LRRC49: variants seen among roughly 807,000 people sequenced by gnomAD.
The protein encoded by LRRC49 is leucine rich repeat containing 49.
A neutral mutation model predicts 83.3 loss-of-function variants in LRRC49; 50 were observed. The ratio of observed to expected loss-of-function variants is 0.60; its 90% CI spans 0.48 to 0.76. LRRC49 has a LOEUF of 0.76. Among genes scored for constraint, LRRC49 ranks in the 30% least tolerant of loss-of-function variants. LRRC49 has a pLI of 0.00. For synonymous variants in LRRC49, 286 were observed against 283.3 expected, an observed-to-expected ratio of 1.01 and a Z score of -0.10; for missense variants, 704 against 809.1, an observed-to-expected ratio of 0.87 and a Z score of 1.58.
intron 15 of LRRC49, among the ~76,000 whole-genome samples, chr15:71,045,925 A>G (rs1034559491): frequency 6.6e-6 from 1 of 152,164 alleles, no homozygotes; most frequent in Admixed American, 6.5e-5. Context: ...GCTCCCACTT[A>G]TAAGTGAGAA....
In LRRC49 at chr15:70,946,598, A is replaced by C. The variant is rs2141172812; in HGVS notation, c.773+9776A>C. The stretch of plus-strand genomic sequence containing the variant: ...AACATACTAATTTTATTTCCTTCAG[A>C]ATATACCTGGAAATGGGATTGCTGG... On this transcript the variant is annotated intron_variant, in intron 8 of 15. Coordinates refer to ENST00000260382, the MANE Select transcript of LRRC49 (RefSeq NM_017691.5). Among the ~76,000 whole-genome samples the C allele has an allele frequency of 1.3e-5, 2 of 152,254 alleles. 1 individual carries two copies. Among genetic ancestry groups the C allele is most frequent in the South Asian group, 4.1e-4 (2 of 4,824 alleles).
chr15:71,046,469 T>G lies in LRRC49; in HGVS notation c.1858-2940T>G, dbSNP rs576132488. ...TGATGATTAGTGATGCTGAGCACTA[T>G]TTCATATCCTTGTTGGCCACTTGTA... On this transcript the variant is annotated intron_variant, in intron 15 of 15. Transcript: ENST00000260382. 2.6e-5 allele frequency among the ~76,000 whole-genome samples: 4 copies of G among 152,346 alleles called. No individual in the cohort carries two copies. The South Asian group carries it at 8.3e-4, about 32-fold the overall frequency.
chr15:70,888,410 A>G (rs1420535338), upstream of LRRC49, among the ~76,000 whole-genome samples: 1 of 152,230 alleles, frequency 6.6e-6, no homozygotes, highest in Non-Finnish European at 1.5e-5. Flanking sequence ...TTGCAAGGCC[A>G]AGAAGAAATG....
chr15:70,871,626 C>T (rs2033041621), intron 1 of LRRC49, among the ~76,000 whole-genome samples: 1 of 152,052 alleles, frequency 6.6e-6, no homozygotes, highest in Non-Finnish European at 1.5e-5. Context: ...AGAGACGCTC[C>T]TCACTTCCCA....
At chr15:70,856,903 C>T (rs888709990) in intron 1 of LRRC49, among the ~76,000 whole-genome samples, 3 of 152,150 alleles carry the variant, frequency 2.0e-5, no homozygotes, top group South Asian at 2.1e-4. Flanking sequence ...GGGCTCCTTT[C>T]GATTTCCAGC....
intron 1 of LRRC49, among the ~76,000 whole-genome samples, chr15:70,856,165 A>G (rs2141065945): frequency 6.6e-6 from 1 of 152,306 alleles, no homozygotes; most frequent in African/African-American, 2.4e-5. Context: ...TTCTTAAAAT[A>G]TAGATTCTGA....
intron 7 of LRRC49, among the ~76,000 whole-genome samples, chr15:70,936,184 C>G (rs2035591353): frequency 6.6e-6 from 1 of 151,924 alleles, no homozygotes; most frequent in Admixed American, 6.6e-5. Context: ...CTGATATGAG[C>G]TTAGATGAGA....
chr15:71,029,755 A>T (rs942181667), intron 14 of LRRC49, among the ~76,000 whole-genome samples: 2 of 152,120 alleles, frequency 1.3e-5, no homozygotes, highest in African/African-American at 4.8e-5. Flanking sequence ...TGTTGCATTG[A>T]TCCCTTTACC....
intron 7 of LRRC49, among the ~76,000 whole-genome samples, chr15:70,928,663 T>A (rs1394398773): frequency 2.0e-5 from 3 of 152,154 alleles, no homozygotes; most frequent in Non-Finnish European, 4.4e-5. Flanking sequence ...CCTCCCGGGT[T>A]CAAGTAATTC....
intron 14 of LRRC49, among the ~76,000 whole-genome samples, chr15:71,022,851 C>T (rs1348010285): frequency 6.6e-6 from 1 of 152,194 alleles, no homozygotes; most frequent in East Asian, 1.9e-4. Flanking sequence ...AGCAACTGCA[C>T]ATTCTTGTCA....
chr15:71,040,454 A>C (rs934257637), intron 15 of LRRC49, among the ~76,000 whole-genome samples: 2 of 152,150 alleles, frequency 1.3e-5, no homozygotes, highest in African/African-American at 2.4e-5. Context: ...ATCCCTCATC[A>C]GTTGACTTTG....
chr15:70,879,148 C>T (rs1476353283), intron 2 of LRRC49, among the ~76,000 whole-genome samples: 1 of 152,204 alleles, frequency 6.6e-6, no homozygotes, highest in Non-Finnish European at 1.5e-5. Context: ...CTTTCTGTTT[C>T]TCCTTGTGCC....
chr15:70,909,576 C>T (rs1022584032), intron 5 of LRRC49, among the ~76,000 whole-genome samples: 4 of 152,136 alleles, frequency 2.6e-5, no homozygotes, highest in African/African-American at 9.7e-5. Flanking sequence ...CGCGGTGGCT[C>T]ATGCCTGGAA....
intron 2 of LRRC49, chr15:70,894,605 C>T (rs778173808): frequency 1.6e-6 from 2 of 1,286,380 alleles, no homozygotes; most frequent in Non-Finnish European, 1.0e-6. Flanking sequence ...CACACTATGT[C>T]TCAAGACACA....
chr15:70,859,942 A>G (rs1057267496), intron 1 of LRRC49: 2 of 765,496 alleles, frequency 2.6e-6, no homozygotes, highest in South Asian at 1.3e-5. Context: ...AGAACATGAC[A>G]ATCCATACGA....
chr15:70,853,764 C>T (rs2032557110), intron 1 of LRRC49: 1 of 690,022 alleles, frequency 1.4e-6, no homozygotes, highest in African/African-American at 1.9e-5. Context: ...GAGCTGCTTC[C>T]CCGGCGGCGG....
At position 70,939,486 on chromosome 15, in the gene LRRC49, G is replaced by A. The variant is rs968279429; in HGVS notation, c.773+2664G>A. Among the ~76,000 whole-genome samples the A allele has an allele frequency of 5.3e-5, 8 of 152,166 alleles. No homozygotes were observed. In the East Asian group the frequency reaches 1.5e-3, roughly 29 times the overall value. ...TAAGCAAATCAAAGTTCTCTTGGCA[G>A]TTGTTTTGGGCTTCCAGGTTAATTT... On this transcript the variant is annotated intron_variant, in intron 8 of 15. Coordinates refer to ENST00000260382, the MANE Select transcript of LRRC49 (RefSeq NM_017691.5).
At chr15:70,876,822 A>G (rs577476682) in intron 2 of LRRC49, among the ~76,000 whole-genome samples, 103 of 152,240 alleles carry the variant, frequency 6.8e-4, no homozygotes, top group Middle Eastern at 6.8e-3. Flanking sequence ...ATCCATTCCA[A>G]TTCTTCTTGT....
At chr15:71,038,256 A>G (rs758174182) in intron 15 of LRRC49, among the ~76,000 whole-genome samples, 14 of 152,110 alleles carry the variant, frequency 9.2e-5, no homozygotes, top group Non-Finnish European at 1.8e-4. Flanking sequence ...AACATTTAGA[A>G]GTGTGTGTGT....
Sources: gnomAD v4.1 joint callset for allele counts (sites outside exome capture counted in the v4.1 genomes callset) on GRCh38, gnomAD v4.1.1 for gene constraint, MANE v1.5 for transcripts, NCBI Gene and HGNC (gene_info 2026-07-23, HGNC 2026-07-21) for gene names.